Variants in CDH8 observed in about 807,000 individuals in gnomAD.
CDH8 encodes cadherin-8.
In CDH8, 17 loss-of-function variants were observed where a neutral mutation model predicts 68.1. The observed-to-expected ratio is 0.25, with a 90% CI of 0.17 to 0.37. CDH8 has a LOEUF of 0.37. Ranked by LOEUF, CDH8 falls within the 10% of genes least tolerant of loss-of-function variation. The pLI is 1.00. For missense variants in CDH8, 763 were observed against 999.3 expected (o/e 0.76, Z 3.19); for synonymous variants, 372 against 365.1 (o/e 1.02, Z -0.21).
At chr16:61,910,134 C>T (rs1964136142) in intron 2 of CDH8, among the ~76,000 whole-genome samples, 1 of 151,912 alleles carries the variant, frequency 6.6e-6, no homozygotes, top group Non-Finnish European at 1.5e-5. Flanking sequence ...ACAAATGAAA[C>T]CTTTTTGATA....
chr16:61,702,645 A>G (rs1334856618), intron 10 of CDH8, among the ~76,000 whole-genome samples: 1 of 152,216 alleles, frequency 6.6e-6, no homozygotes, highest in Non-Finnish European at 1.5e-5. Flanking sequence ...TATTATGAGA[A>G]TCTTCTCTAA....
intron 10 of CDH8, among the ~76,000 whole-genome samples, chr16:61,665,098 G>A (rs2142764310): frequency 6.6e-6 from 1 of 151,952 alleles, no homozygotes; most frequent in East Asian, 2.0e-4. Flanking sequence ...GTTACATAAG[G>A]TCATAATGGT....
chr16:61,705,390 G>T (rs1449447336), intron 10 of CDH8, among the ~76,000 whole-genome samples: 2 of 152,100 alleles, frequency 1.3e-5, no homozygotes, highest in Non-Finnish European at 2.9e-5. Context: ...AAAGTATAAT[G>T]GTTTCCAATA....
intron 7 of CDH8, among the ~76,000 whole-genome samples, chr16:61,796,126 G>A (rs1007173355): frequency 6.6e-6 from 1 of 151,938 alleles, no homozygotes; most frequent in Non-Finnish European, 1.5e-5. Context: ...CTAAAAATAT[G>A]AGGAAAGGGA....
At chr16:61,772,521 G>T (rs956461509) in intron 8 of CDH8, among the ~76,000 whole-genome samples, 43 of 152,018 alleles carry the variant, frequency 2.8e-4, no homozygotes, top group Non-Finnish European at 4.4e-4. Flanking sequence ...AATACAGAAA[G>T]GGTTAAAAAC....
intron 2 of CDH8, among the ~76,000 whole-genome samples, chr16:62,005,019 G>A (rs192794432): frequency 6.6e-6 from 1 of 152,176 alleles, no homozygotes. Flanking sequence ...GCTTTCTTCT[G>A]CTACCTCAAA....
intron 3 of CDH8, among the ~76,000 whole-genome samples, chr16:61,874,404 T>A (rs1963424565): frequency 1.3e-5 from 2 of 151,994 alleles, no homozygotes; most frequent in Admixed American, 1.3e-4. Flanking sequence ...TGATCTCAGC[T>A]CACTGCAAGC....
intron 10 of CDH8, among the ~76,000 whole-genome samples, chr16:61,677,055 T>C (rs1304731047): frequency 6.6e-6 from 1 of 151,940 alleles, no homozygotes; most frequent in African/African-American, 2.4e-5. Flanking sequence ...CCTTCCAATG[T>C]GTTAAATTTA....
intron 2 of CDH8, among the ~76,000 whole-genome samples, chr16:61,916,491 G>A (rs1964240947): frequency 6.6e-6 from 1 of 152,138 alleles, no homozygotes; most frequent in African/African-American, 2.4e-5. Flanking sequence ...CTCCAGCCTG[G>A]TCAACAGAGC....
chr16:62,035,903 G>C (rs1018475408), intron 1 of CDH8, among the ~76,000 whole-genome samples, 177 bp downstream of exon 1: 1 of 152,204 alleles, frequency 6.6e-6, no homozygotes, highest in Admixed American at 6.5e-5. Context: ...TATCACCCAC[G>C]GATATCGCGA....
intron 8 of CDH8, among the ~76,000 whole-genome samples, chr16:61,781,974 C>T (rs1251493683): frequency 6.6e-6 from 1 of 152,160 alleles, no homozygotes; most frequent in Non-Finnish European, 1.5e-5. Context: ...GTTTCCAAAG[C>T]TCTGTTTCTA....
Position 61,649,737 on chromosome 16 carries a change from G to A in CDH8, c.*3871C>T, listed in dbSNP as rs1963278721. On this transcript the variant is annotated 3_prime_UTR_variant, in exon 12 of 12. Coordinates refer to ENST00000577390, the MANE Select transcript of CDH8 (RefSeq NM_001796.5). ...AGTGATCGCATAATACAACTTGTTG[G>A]AAGGGCCTACTTGCCTTCAGTCCTT... 6.6e-6 allele frequency: 1 copy of A among 152,018 alleles called. No individual in the cohort carries two copies. The highest frequency in any genetic ancestry group is 2.4e-5 in the African/African-American group (1 of 41,408). The allele number at this position is 152,018 out of a possible 1,614,324, so 9.4% of individuals were successfully genotyped here. A position where few individuals can be genotyped will look rare whatever the true frequency, so the allele number is the denominator to read the frequency against.
intron 2 of CDH8, among the ~76,000 whole-genome samples, chr16:61,910,124 A>G (rs2143319994): frequency 6.6e-6 from 1 of 152,306 alleles, no homozygotes; most frequent in African/African-American, 2.4e-5. Flanking sequence ...GAACCCACAC[A>G]CAAATGAAAC....
At chr16:61,674,180 A>T (rs186872290) in intron 10 of CDH8, among the ~76,000 whole-genome samples, 1 of 152,236 alleles carries the variant, frequency 6.6e-6, no homozygotes, top group Admixed American at 6.5e-5. Context: ...CTCTAGATCT[A>T]CCCTAAACCT....
intron 8 of CDH8, among the ~76,000 whole-genome samples, chr16:61,755,082 C>A (rs1960277162): frequency 6.6e-6 from 1 of 151,516 alleles, no homozygotes; most frequent in South Asian, 2.1e-4. Context: ...AACTTCAAGT[C>A]AATATAGGAG....
At chr16:61,694,782 G>A (rs1376058486) in intron 10 of CDH8, among the ~76,000 whole-genome samples, 1 of 152,028 alleles carries the variant, frequency 6.6e-6, no homozygotes, top group Non-Finnish European at 1.5e-5. Flanking sequence ...TGGTGGTGGT[G>A]GTGGTGGTGG....
chr16:61,773,616 T>C (rs908770295), intron 8 of CDH8, among the ~76,000 whole-genome samples: 3 of 151,876 alleles, frequency 2.0e-5, no homozygotes, highest in African/African-American at 7.3e-5. Flanking sequence ...TTTCTCATCA[T>C]TCCTCCAAGG....
At chr16:61,669,473 G>A (rs1963747945) in intron 10 of CDH8, among the ~76,000 whole-genome samples, 1 of 151,984 alleles carries the variant, frequency 6.6e-6, no homozygotes, top group South Asian at 2.1e-4. Flanking sequence ...TCTGTTATAT[G>A]TGTCACTATA....
At chr16:61,856,986 T>C (rs1490425002) in intron 4 of CDH8, 133 bp downstream of exon 4, 1 of 1,008,406 alleles carries the variant, frequency 9.9e-7, no homozygotes, top group Non-Finnish European at 1.5e-6. Flanking sequence ...GTGTACCTCA[T>C]GTCGCATATT....
Sources: allele counts gnomAD v4.1 joint callset (sites outside exome capture counted in the v4.1 genomes callset), GRCh38; gene constraint gnomAD v4.1.1; transcripts MANE v1.5; gene names NCBI Gene and HGNC (gene_info 2026-07-23, HGNC 2026-07-21).